AVEN: variants seen among roughly 807,000 people sequenced by gnomAD.
AVEN encodes cell death regulator Aven.
Under a neutral mutation model 38.1 loss-of-function variants are expected in AVEN, and 41 were observed. The ratio of observed to expected loss-of-function variants is 1.08; its 90% confidence interval spans 0.84 to 1.40. The LOEUF (loss-of-function observed/expected upper bound fraction) is 1.40, where lower values mean the gene tolerates loss of function less well. Ranked by LOEUF, AVEN falls within the 40% of genes most tolerant of loss-of-function variation. AVEN has a pLI of 0.00. For missense variants in AVEN, 605 were observed against 438.8 expected (o/e 1.38, Z -3.38); for synonymous variants, 206 against 171.8 (o/e 1.20, Z -1.56).
At chr15:34,035,792 TAGTTAGTA>T (rs35902104) in intron 1 of AVEN, among the ~76,000 whole-genome samples, 72,064 of 151,456 alleles carry the variant, frequency 0.48, 20,544 homozygotes, top group Non-Finnish European at 0.64. Flanking sequence ...TTTATTCATT[TAGTTAGTA>T]AGTTAGTTAT....
At chr15:33,967,928 C>G (rs866838647) in intron 2 of AVEN, among the ~76,000 whole-genome samples, 1 of 144,704 alleles carries the variant, frequency 6.9e-6, no homozygotes, top group Middle Eastern at 3.5e-3. Flanking sequence ...TAAAAACAGG[C>G]ATACATTTAG....
At chr15:33,867,924 G>C (rs1180836708) in intron 4 of AVEN, 69 bp from the exon 5 acceptor site, 9 of 1,499,560 alleles carry the variant, frequency 6.0e-6, no homozygotes, top group Non-Finnish European at 8.0e-6. Context: ...TAAATACATA[G>C]GAGGCTAAAC....
At chr15:34,027,762 C>CA (rs888398657) in intron 1 of AVEN, among the ~76,000 whole-genome samples, 2 of 135,882 alleles carry the variant, frequency 1.5e-5, no homozygotes, top group Admixed American at 1.5e-4. Context: ...GAGAGTTTGT[C>CA]AAAAACAATC....
chr15:33,930,192 T>G (rs1472235078), intron 2 of AVEN, among the ~76,000 whole-genome samples: 3 of 152,192 alleles, frequency 2.0e-5, no homozygotes, highest in Non-Finnish European at 2.9e-5. Context: ...TCCATCCTTC[T>G]GGTCTATTGT....
At chr15:33,993,645 T>A (rs1193451298) in intron 2 of AVEN, among the ~76,000 whole-genome samples, 1 of 152,140 alleles carries the variant, frequency 6.6e-6, no homozygotes, top group Non-Finnish European at 1.5e-5. Flanking sequence ...GCTTATAGAA[T>A]AATTATTAAA....
chr15:33,980,224 T>C (rs746998915), intron 2 of AVEN, among the ~76,000 whole-genome samples: 43 of 152,144 alleles, frequency 2.8e-4, no homozygotes, highest in Non-Finnish European at 5.1e-4. Flanking sequence ...AGTTCTTATT[T>C]AGGAATTATA....
intron 2 of AVEN, among the ~76,000 whole-genome samples, chr15:33,964,290 T>C (rs1895306680): frequency 6.6e-6 from 1 of 152,124 alleles, no homozygotes; most frequent in Non-Finnish European, 1.5e-5. Flanking sequence ...AGACCTCTAG[T>C]GGTTGTCTGC....
At chr15:33,909,900 G>A (rs112200679) in intron 2 of AVEN, among the ~76,000 whole-genome samples, 3,293 of 151,686 alleles carry the variant, frequency 0.022, 58 homozygotes, top group African/African-American at 0.036. Flanking sequence ...AGGCCGAGGC[G>A]GGTGGATCAC....
rs73383784 is a variant in AVEN at position 33,987,084 on chromosome 15, G to T, written c.445+15948C>A. Among the ~76,000 whole-genome samples the T allele has an allele frequency of 3.8e-3, 575 of 152,314 alleles. 3 individuals are homozygous for T. Among genetic ancestry groups the T allele is most frequent in the African/African-American group, 0.013 (551 of 41,556 alleles). The stretch of plus-strand genomic sequence containing the variant: ...CCACTCAATGCCTCTAAATTAAACA[G>T]TATATATTCATAATTCATTAGCATT... On this transcript the variant is annotated intron_variant, in intron 2 of 5. Coordinates refer to ENST00000306730, the MANE Select transcript of AVEN (RefSeq NM_020371.3).
chr15:34,055,116 C>T (rs375536598), intron 5 of AVEN, among the ~76,000 whole-genome samples: 25 of 150,760 alleles, frequency 1.7e-4, no homozygotes, highest in African/African-American at 5.6e-4. Flanking sequence ...CACTTGAACC[C>T]GGGAGGCGGC....
chr15:33,873,094 CTTTTTT>C (rs34223352), intron 3 of AVEN, among the ~76,000 whole-genome samples: 271 of 85,110 alleles, frequency 3.2e-3, no homozygotes, highest in South Asian at 0.026. Context: ...TTTTCCTTTT[CTTTTTT>C]TTTTTTTTTT....
chr15:33,927,661 C>G (rs1157745349), intron 2 of AVEN, among the ~76,000 whole-genome samples: 1 of 152,150 alleles, frequency 6.6e-6, no homozygotes, highest in Non-Finnish European at 1.5e-5. Context: ...TCACATGTTT[C>G]TGTAGAATTT....
chr15:33,959,293 C>T (rs1262071086), intron 2 of AVEN, among the ~76,000 whole-genome samples: 2 of 151,972 alleles, frequency 1.3e-5, no homozygotes, highest in African/African-American at 2.4e-5. Context: ...TTTTTAAATA[C>T]GAATTTCAGT....
chr15:33,901,136 A>G (rs1470922555), intron 2 of AVEN, among the ~76,000 whole-genome samples: 6 of 152,148 alleles, frequency 3.9e-5, no homozygotes, highest in Non-Finnish European at 8.8e-5. Context: ...GTGTGGTGGT[A>G]GGCGCCTGTA....
In AVEN at chr15:34,038,895, C is replaced by T; in HGVS notation, c.152G>A (p.Arg51Gln). 4.4e-6 allele frequency: 5 copies of T among 1,132,260 alleles called. No individual in the cohort carries two copies. The highest frequency in any genetic ancestry group is 5.4e-6 in the Non-Finnish European group (5 of 928,992). The allele number at this position is 1,132,260 out of a possible 1,614,324, so 70.1% of individuals were successfully genotyped here. ...GGGGGDGGGR[R>Q]GRGRGRGFRG... ...GAAGCCCCGGCCACGGCCACGGCCC[C>T]GGCGTCCGCCTCCGTCCCCGCCGCC... The change falls in exon 1 of 6, where the codon CGG becomes CAG. Residue 51 changes from arginine to glutamine, a missense_variant. By Grantham distance (43) the Arg-to-Gln change is conservative. Transcript: ENST00000306730.
At chr15:33,904,694 A>AAATATATAT (rs1464894437) in intron 2 of AVEN, among the ~76,000 whole-genome samples, 15 of 112,758 alleles carry the variant, frequency 1.3e-4, no homozygotes, top group African/African-American at 3.5e-4. Flanking sequence ...AAAAAAAAAA[A>AAATATATAT]ATATATATAT....
chr15:33,857,669 C>G (rs886119758), downstream of AVEN: 5 of 1,383,640 alleles, frequency 3.6e-6, no homozygotes, highest in Middle Eastern at 1.8e-4. Context: ...TCCCCATTTC[C>G]TCTCCTTGCC....
intron 1 of AVEN, among the ~76,000 whole-genome samples, chr15:34,030,403 T>A (rs551948756): frequency 6.6e-6 from 1 of 151,690 alleles, no homozygotes; most frequent in Non-Finnish European, 1.5e-5. Flanking sequence ...TGGAGTGCAG[T>A]GGCGCAATCT....
chr15:34,035,458 C>T (rs11638109), intron 1 of AVEN, among the ~76,000 whole-genome samples: 22,548 of 152,076 alleles, frequency 0.15, 2,079 homozygotes, highest in Middle Eastern at 0.28. Flanking sequence ...AAAGTCATTC[C>T]AGGAGCAGTT....
Sources: gnomAD v4.1 joint callset for allele counts (sites outside exome capture counted in the v4.1 genomes callset) on GRCh38, gnomAD v4.1.1 for gene constraint, MANE v1.5 for transcripts, NCBI Gene and HGNC (gene_info 2026-07-23, HGNC 2026-07-21) for gene names.